The following PPARGC1B variants were observed in gnomAD, a reference collection of about 807,000 sequenced individuals.
The protein encoded by PPARGC1B is PPARG coactivator 1 beta.
In PPARGC1B, 34 loss-of-function variants were observed where a neutral mutation model predicts 101.6. That is an observed-to-expected ratio of 0.33 (90% CI 0.25 to 0.45). PPARGC1B has a LOEUF of 0.45. Among genes scored for constraint, PPARGC1B ranks in the 20% least tolerant of loss-of-function variants. The pLI is 1.00. For missense variants in PPARGC1B, 1,234 were observed against 1,317.6 expected, an observed-to-expected ratio of 0.94 and a Z score of 0.98; for synonymous variants, 548 against 539.3, an observed-to-expected ratio of 1.02 and a Z score of -0.22.
intron 11 of PPARGC1B, 171 bp downstream of exon 11, chr5:149,846,085 C>T (rs965871216): frequency 1.4e-6 from 1 of 724,570 alleles, no homozygotes; most frequent in Non-Finnish European, 2.4e-6. Context: ...GACTACCATC[C>T]TGTTTCTCTT....
intron 1 of PPARGC1B, among the ~76,000 whole-genome samples, chr5:149,793,666 G>C (rs568789464): frequency 1.2e-4 from 18 of 152,332 alleles, no homozygotes; most frequent in African/African-American, 4.1e-4. Context: ...CGCTTGGAAA[G>C]CTGTCTGACC....
At position 149,832,158 on chromosome 5, in the gene PPARGC1B, A is replaced by G. The variant is rs961579988; in HGVS notation, c.583-498A>G. On this transcript the variant is annotated intron_variant, in intron 4 of 11. Transcript: ENST00000309241. This position sits in a 1 kb window ranked among gnomAD's most constrained non-coding sequence, Gnocchi z 4.9. ...CTTGTCTCTACTAAAAAATACAAAA[A>G]ATTAGCCGGGTGTGGTGATGCACGC... Among the ~76,000 whole-genome samples the G allele has an allele frequency of 2.0e-5, 3 of 151,924 alleles. No individual in the cohort carries two copies. Among genetic ancestry groups the G allele is most frequent in the African/African-American group, 7.3e-5 (3 of 41,328 alleles).
At chr5:149,755,731 C>T (rs1201011644) in intron 1 of PPARGC1B, among the ~76,000 whole-genome samples, 1 of 151,510 alleles carries the variant, frequency 6.6e-6, no homozygotes. Context: ...GCAACCTCTG[C>T]CTCCAGGGTT....
At chr5:149,822,917 C>T (rs1758361584) in intron 2 of PPARGC1B, among the ~76,000 whole-genome samples, 1 of 152,124 alleles carries the variant, frequency 6.6e-6, no homozygotes, top group Non-Finnish European at 1.5e-5. Context: ...CTTCATGGGA[C>T]CAATGGGAAT....
At chr5:149,806,796 C>G (rs1449180397) in intron 1 of PPARGC1B, among the ~76,000 whole-genome samples, 6 of 151,830 alleles carry the variant, frequency 4.0e-5, no homozygotes, top group African/African-American at 1.5e-4. Flanking sequence ...TTAGTAGAGA[C>G]GGGGTTTCAC....
At chr5:149,808,814 A>T (rs1581078232) in intron 1 of PPARGC1B, among the ~76,000 whole-genome samples, 1 of 152,180 alleles carries the variant, frequency 6.6e-6, no homozygotes, top group East Asian at 1.9e-4. Flanking sequence ...ACAGTGGGCA[A>T]CAAGGCAAAC....
chr5:149,792,372 A>G (rs916664869), intron 1 of PPARGC1B, among the ~76,000 whole-genome samples: 2 of 152,114 alleles, frequency 1.3e-5, no homozygotes, highest in African/African-American at 4.8e-5. Flanking sequence ...CTCATTCTTC[A>G]CAGCAGCTCC....
rs1433976430 is a variant in PPARGC1B at position 149,850,342 on chromosome 5, C to G, written c.*2784C>G. Reference sequence around the variant, plus strand: ...AGCTGTCCTTTCATGTCAGATTAACCTAGGACACTTGTAGTTAGCTTAGAC... The same window carrying G: ...AGCTGTCCTTTCATGTCAGATTAACGTAGGACACTTGTAGTTAGCTTAGAC... On this transcript the variant is annotated 3_prime_UTR_variant, in exon 12 of 12. Coordinates refer to ENST00000309241, the MANE Select transcript of PPARGC1B (RefSeq NM_133263.4). 1 of 152,200 alleles carries G rather than the reference C, an allele frequency of 6.6e-6. No individual in the cohort carries two copies. Among genetic ancestry groups the G allele is most frequent in the African/African-American group, 2.4e-5 (1 of 41,436 alleles). The allele number at this position is 152,200 out of a possible 1,614,324, so 9.4% of individuals were successfully genotyped here.
chr5:149,809,477 C>CATAGATAGATAGATAG (rs70973546), intron 1 of PPARGC1B, among the ~76,000 whole-genome samples: 1 of 54,800 alleles, frequency 1.8e-5, no homozygotes, highest in African/African-American at 6.0e-5. Flanking sequence ...CCATCTCTAC[C>CATAGATAGATAGATAG]ATAGATAGAT....
intron 10 of PPARGC1B, 81 bp from the exon 11 acceptor site, chr5:149,845,679 G>C: frequency 1.4e-6 from 2 of 1,444,556 alleles, no homozygotes; most frequent in African/African-American, 2.8e-5. Context: ...GTGGCAGTCG[G>C]TTCCTCATCT....
intron 3 of PPARGC1B, 65 bp from the exon 4 acceptor site, chr5:149,830,702 C>A: frequency 8.3e-7 from 1 of 1,205,274 alleles, no homozygotes; most frequent in Non-Finnish European, 1.2e-6. Flanking sequence ...AGGGGCTGGC[C>A]ATGCAGTCCA....
intron 1 of PPARGC1B, among the ~76,000 whole-genome samples, chr5:149,731,572 G>A (rs1165552110): frequency 1.3e-5 from 2 of 151,858 alleles, no homozygotes; most frequent in Non-Finnish European, 2.9e-5. Context: ...GGGAGCGCCG[G>A]TGCCGGCCCG....
chr5:149,856,720 G>A (rs1198802692), downstream of PPARGC1B, among the ~76,000 whole-genome samples: 1 of 151,214 alleles, frequency 6.6e-6, no homozygotes, highest in Non-Finnish European at 1.5e-5. Flanking sequence ...TATGGTACAA[G>A]GAAAATGCTT....
chr5:149,813,773 C>A (rs904149422), intron 1 of PPARGC1B, among the ~76,000 whole-genome samples: 1 of 152,190 alleles, frequency 6.6e-6, no homozygotes, highest in South Asian at 2.1e-4. Flanking sequence ...CACAACAGAA[C>A]TTTATTTCTC....
Position 149,845,856 on chromosome 5 carries a change from C to G in PPARGC1B, c.2913C>G (p.Ser971=). 6.2e-7 allele frequency: 1 copy of G among 1,614,250 alleles called. No homozygotes were observed. The highest frequency in any genetic ancestry group is 8.5e-7 in the Non-Finnish European group (1 of 1,180,040). Residue 971 remains serine, a synonymous_variant, in exon 11 of 12, where the codon TCC becomes TCG. Coordinates refer to ENST00000309241, the MANE Select transcript of PPARGC1B (RefSeq NM_133263.4). ...CCCTGAGGAAGCGCAACGAGCCCTC[C>G]TTCCAGCTGAGCTACGGAGGGCTCC... ...GAALRKRNEP[S]FQLSYGGLRH...
At chr5:149,829,585 G>A (rs996425177) in intron 3 of PPARGC1B, among the ~76,000 whole-genome samples, 3 of 151,930 alleles carry the variant, frequency 2.0e-5, no homozygotes, top group Admixed American at 2.0e-4. Flanking sequence ...TAGGATCTCC[G>A]GCGGAAAATC....
intron 1 of PPARGC1B, among the ~76,000 whole-genome samples, chr5:149,744,346 G>A (rs1755013684): frequency 6.6e-6 from 1 of 152,212 alleles, no homozygotes; most frequent in African/African-American, 2.4e-5. Context: ...TAGGCATGGG[G>A]TGAGAGGTGA....
At position 149,741,930 on chromosome 5, in the gene PPARGC1B, T is replaced by C. The variant is rs151310226; in HGVS notation, c.78+11510T>C. Among the ~76,000 whole-genome samples the C allele has an allele frequency of 2.5e-3, 378 of 152,250 alleles. 2 individuals carry two copies. Among genetic ancestry groups the C allele is most frequent in the African/African-American group, 8.3e-3 (343 of 41,540 alleles). On this transcript the variant is annotated intron_variant, in intron 1 of 11. Transcript: ENST00000309241. ...CAAGCGTGAGCCACCACGCCTGGCA[T>C]AGCCACATAATATTCTTAACATGAA...
At chr5:149,732,793 G>A in intron 1 of PPARGC1B, 1 of 474,680 alleles carries the variant, frequency 2.1e-6, no homozygotes, top group Non-Finnish European at 4.4e-6. Flanking sequence ...GCTTGTATGG[G>A]ACCATGCAGC....
Sources: gnomAD v4.1 joint callset for allele counts (sites outside exome capture counted in the v4.1 genomes callset) on GRCh38, gnomAD v4.1.1 for gene constraint, Gnocchi (gnomAD v3.1) non-coding constraint, MANE v1.5 for transcripts, NCBI Gene and HGNC (gene_info 2026-07-23, HGNC 2026-07-21) for gene names.